Variants in ERBB4 observed in about 807,000 individuals in gnomAD.
ERBB4 encodes receptor tyrosine-protein kinase erbB-4.
Under a neutral mutation model 158.0 loss-of-function variants are expected in ERBB4, and 42 were observed. That is an observed-to-expected ratio of 0.27 (90% CI 0.21 to 0.34). ERBB4 has a LOEUF of 0.34. ERBB4 is among the 10% of genes least tolerant of loss of function. ERBB4 has a pLI of 1.00. For synonymous variants in ERBB4, 583 were observed against 558.7 expected, an observed-to-expected ratio of 1.04 and a Z score of -0.61; for missense variants, 1,333 against 1,624.1, an observed-to-expected ratio of 0.82 and a Z score of 3.08.
chr2:211,718,045 G>T (rs958576759), intron 7 of ERBB4, among the ~76,000 whole-genome samples: 5 of 151,994 alleles, frequency 3.3e-5, no homozygotes, highest in Non-Finnish European at 5.9e-5. Context: ...CCAAATAGCT[G>T]GGATTACAGG....
intron 1 of ERBB4, among the ~76,000 whole-genome samples, chr2:212,446,617 A>ATATATATATATATATATATATATATATC (rs2092360228): frequency 1.7e-5 from 1 of 58,254 alleles, no homozygotes; most frequent in Non-Finnish European, 3.7e-5. Flanking sequence ...ATATATATAT[A>ATATATATATATATATATATATATATATC]TATATATATA....
In ERBB4 at chr2:212,538,512, G is replaced by C. The variant is rs2106366396; in HGVS notation, c.19C>G (p.Leu7Val). Residue 7 changes from leucine (L) to valine (V), a missense_variant, in exon 1 of 28, where the codon CTT becomes GTT. Physicochemically the swap from Leu to Val is conservative, Grantham distance 32. Coordinates refer to ENST00000342788, the MANE Select transcript of ERBB4 (RefSeq NM_005235.3). ...ACGAGAAGGCTCACCCAGACCCAAAGTCCTGTCGCCGGCTTCATTTTTTGG... is the reference window on the plus strand; with the variant it reads ...ACGAGAAGGCTCACCCAGACCCAAACTCCTGTCGCCGGCTTCATTTTTTGG... MKPATG[L>V]WVWVSLLVAA... 6.2e-7 allele frequency: 1 copy of C among 1,614,102 alleles called. No individual in the cohort carries two copies. Among genetic ancestry groups the C allele is most frequent in the Non-Finnish European group, 8.5e-7 (1 of 1,179,954 alleles).
chr2:211,698,049 G>A (rs10932393), intron 12 of ERBB4, among the ~76,000 whole-genome samples: 1 of 151,944 alleles, frequency 6.6e-6, no homozygotes, highest in Non-Finnish European at 1.5e-5. Context: ...AGGCATGGTG[G>A]CTCACACCTG....
At chr2:211,861,143 T>TATAA (rs2078033895) in intron 3 of ERBB4, among the ~76,000 whole-genome samples, 1 of 64,628 alleles carries the variant, frequency 1.5e-5, no homozygotes, top group Non-Finnish European at 2.9e-5. Flanking sequence ...TATATATATA[T>TATAA]ATATATATAT....
chr2:211,911,207 T>C (rs1018569572), intron 3 of ERBB4, among the ~76,000 whole-genome samples: 1 of 152,210 alleles, frequency 6.6e-6, no homozygotes, highest in African/African-American at 2.4e-5. Flanking sequence ...GACAGTCTTT[T>C]TTAAAAGTTG....
At chr2:211,669,145 C>T (rs2071735917) in intron 14 of ERBB4, among the ~76,000 whole-genome samples, 1 of 148,268 alleles carries the variant, frequency 6.7e-6, no homozygotes, top group Non-Finnish European at 1.5e-5. Context: ...CTCGTTTGTG[C>T]CCAGGAAGCA....
chr2:211,868,792 G>A (rs2078271137), intron 3 of ERBB4, among the ~76,000 whole-genome samples: 2 of 152,050 alleles, frequency 1.3e-5, no homozygotes, highest in Non-Finnish European at 2.9e-5. Context: ...CATGGTTCTT[G>A]TCTTTCTCAC....
At chr2:212,110,667 G>C (rs1416232398) in intron 2 of ERBB4, among the ~76,000 whole-genome samples, 1 of 152,200 alleles carries the variant, frequency 6.6e-6, no homozygotes, top group Non-Finnish European at 1.5e-5. Flanking sequence ...TCACCGGACT[G>C]CTTTCAAATT....
intron 3 of ERBB4, among the ~76,000 whole-genome samples, chr2:211,798,573 C>T (rs964508821): frequency 6.6e-6 from 1 of 152,020 alleles, no homozygotes; most frequent in African/African-American, 2.4e-5. Flanking sequence ...ACTAGGTGTT[C>T]AAAAGGTACT....
intron 20 of ERBB4, among the ~76,000 whole-genome samples, chr2:211,516,151 C>T (rs1041732760): frequency 6.6e-6 from 1 of 150,806 alleles, no homozygotes; most frequent in Non-Finnish European, 1.5e-5. Flanking sequence ...CTACTAACCT[C>T]GTGATCCGCC....
intron 20 of ERBB4, among the ~76,000 whole-genome samples, chr2:211,530,047 A>G (rs1369449192): frequency 6.6e-6 from 1 of 152,118 alleles, no homozygotes; most frequent in African/African-American, 2.4e-5. Context: ...ATTGGAAAGG[A>G]AGACGTCAAG....
At chr2:211,904,739 G>T (rs2079331383) in intron 3 of ERBB4, among the ~76,000 whole-genome samples, 1 of 152,040 alleles carries the variant, frequency 6.6e-6, no homozygotes, top group African/African-American at 2.4e-5. Context: ...TAATTTTACA[G>T]TTAATCACTA....
At position 211,544,291 on chromosome 2, in the gene ERBB4, G is replaced by A. The variant is rs146209376; in HGVS notation, c.2487+17612C>T. 1.1e-4 allele frequency among the ~76,000 whole-genome samples: 17 copies of A among 152,042 alleles called. No individual in the cohort carries two copies. In the East Asian group the frequency reaches 2.9e-3, roughly 26 times the overall value. On this transcript the variant is annotated intron_variant, in intron 20 of 27. Transcript: ENST00000342788. ...TTATGGTATAAAATTTCTGCCTTTG[G>A]TATATTTTTATACTTCAAATGTTAT...
intron 1 of ERBB4, among the ~76,000 whole-genome samples, chr2:212,135,430 T>C (rs971549673): frequency 9.9e-5 from 15 of 152,244 alleles, no homozygotes; most frequent in African/African-American, 3.4e-4. Context: ...AATTAAAAAA[T>C]TGCAAATGAT....
At chr2:211,677,209 A>G (rs774431884) in intron 13 of ERBB4, among the ~76,000 whole-genome samples, 2 of 152,150 alleles carry the variant, frequency 1.3e-5, no homozygotes, top group Admixed American at 6.6e-5. Flanking sequence ...ATCCAGTGGG[A>G]TAATTCATGA....
rs189022941 is a variant in ERBB4 at position 212,534,070 on chromosome 2, T to C, written c.82+4379A>G. ...TTATGTTTTAGGCACTTACAAACTA[T>C]ACATGGATATCCAACAGTAGCAGAA... On this transcript the variant is annotated intron_variant, in intron 1 of 27. Transcript: ENST00000342788. Among the ~76,000 whole-genome samples the C allele has an allele frequency of 3.3e-5, 5 of 152,328 alleles. No homozygotes were observed. The East Asian group carries it at 9.6e-4, about 29-fold the overall frequency.
At chr2:211,510,294 A>C (rs1170970860) in intron 20 of ERBB4, among the ~76,000 whole-genome samples, 1 of 152,066 alleles carries the variant, frequency 6.6e-6, no homozygotes, top group Admixed American at 6.6e-5. Flanking sequence ...GGAAATAATA[A>C]ACACGGGGCA....
intron 1 of ERBB4, among the ~76,000 whole-genome samples, chr2:212,362,002 A>G (rs2089705005): frequency 6.6e-6 from 1 of 151,700 alleles, no homozygotes; most frequent in African/African-American, 2.4e-5. Context: ...GTATATACAT[A>G]ACATTTTAAA....
intron 1 of ERBB4, among the ~76,000 whole-genome samples, chr2:212,250,220 T>C (rs1307731255): frequency 1.3e-5 from 2 of 151,980 alleles, no homozygotes; most frequent in Non-Finnish European, 2.9e-5. Flanking sequence ...ATTATATTTG[T>C]TATGGGTTTC....
Sources: allele counts gnomAD v4.1 joint callset (sites outside exome capture counted in the v4.1 genomes callset), GRCh38; gene constraint gnomAD v4.1.1; transcripts MANE v1.5; gene names NCBI Gene and HGNC (gene_info 2026-07-23, HGNC 2026-07-21).